Variants in NUMB observed in about 807,000 individuals in gnomAD.
NUMB encodes NUMB endocytic adaptor protein.
Under a neutral mutation model 59.7 loss-of-function variants are expected in NUMB, and 29 were observed. That is an observed-to-expected ratio of 0.49 (90% CI 0.36 to 0.66). NUMB has a LOEUF of 0.66. Among genes scored for constraint, NUMB ranks in the 30% least tolerant of loss-of-function variants. The probability of loss-of-function intolerance (pLI) is 0.00; values close to 1 mark genes in which losing one functional copy is unlikely to be tolerated. For missense variants in NUMB, 723 were observed against 822.0 expected (o/e 0.88, Z 1.47); for synonymous variants, 288 against 288.2 (o/e 1.00, Z 0.01).
rs1340528389 is a variant in NUMB, at chr14:73,296,232, C to T, written c.309+979G>A. Among the ~76,000 whole-genome samples the T allele has an allele frequency of 3.3e-5, 5 of 152,044 alleles. No homozygotes were observed. In the South Asian group the frequency reaches 6.2e-4, roughly 19 times the overall value. ...CCAAGGCGGGTGGATCACTTGAGGT[C>T]GGAAGTTCAAGACCAGCCTGACCAA... On this transcript the variant is annotated intron_variant, in intron 7 of 12. Transcript: ENST00000555238.
rs188616667 is a variant in NUMB at position 73,394,460 on chromosome 14, A to G, written c.-101+15477T>C. Among the ~76,000 whole-genome samples, 264 of 151,346 alleles carry G rather than the reference A, an allele frequency of 1.7e-3. 1 individual carries two copies. The highest frequency in any genetic ancestry group is 6.1e-3 in the African/African-American group (250 of 41,268). ...TGTCTCACTCTGTTGCCCAGGCTGA[A>G]GTGCAGTGGTGTGACAAAGCTCACC... On this transcript the variant is annotated intron_variant, in intron 2 of 12. Transcript: ENST00000555238.
chr14:73,296,752 G>A (rs1445845429), intron 7 of NUMB, among the ~76,000 whole-genome samples: 10 of 152,158 alleles, frequency 6.6e-5, no homozygotes, highest in East Asian at 3.9e-4. Context: ...TAGGCCAGGC[G>A]TGGTGGCTCA....
At chr14:73,454,001 T>TA in intron 1 of NUMB, among the ~76,000 whole-genome samples, 1 of 151,420 alleles carries the variant, frequency 6.6e-6, no homozygotes, top group Non-Finnish European at 1.5e-5. Flanking sequence ...ATTTAAGGAG[T>TA]ATATTGTTTT....
At chr14:73,447,247 G>A (rs1245270974) in intron 1 of NUMB, among the ~76,000 whole-genome samples, 2 of 150,470 alleles carry the variant, frequency 1.3e-5, no homozygotes, top group African/African-American at 2.4e-5. Context: ...TCAGCACTTT[G>A]GGAGGCTAAG....
chr14:73,355,694 T>G lies in NUMB; in HGVS notation c.58A>C (p.Ser20Arg). ...RKKDVYVPEASRPHQWQTDEE... is the reference protein window; with the variant it reads ...RKKDVYVPEARRPHQWQTDEE... Reference sequence around the variant, plus strand: ...TCTGTCTGCCACTGATGTGGACGACTGGCCTCTGGAACATAAACATCCTTC... The same window carrying G: ...TCTGTCTGCCACTGATGTGGACGACGGGCCTCTGGAACATAAACATCCTTC... Residue 20 changes from serine (S) to arginine (R), a missense_variant, in exon 4 of 13, where the codon AGT becomes CGT. Ser to Arg is a moderately radical substitution (Grantham distance 110, BLOSUM62 -1). Transcript: ENST00000555238. 1 of 1,613,622 alleles carries G rather than the reference T, an allele frequency of 6.2e-7. No homozygotes were observed. Among genetic ancestry groups the G allele is most frequent in the Non-Finnish European group, 8.5e-7 (1 of 1,179,556 alleles).
At chr14:73,314,708 G>A (rs895469249) in intron 6 of NUMB, among the ~76,000 whole-genome samples, 1 of 151,764 alleles carries the variant, frequency 6.6e-6, no homozygotes, top group African/African-American at 2.4e-5. Flanking sequence ...TATCTATGAC[G>A]CCTTATCTTA....
intron 5 of NUMB, chr14:73,322,685 C>G (rs1362754803): frequency 6.6e-6 from 1 of 152,198 alleles, no homozygotes; most frequent in Admixed American, 6.6e-5. Flanking sequence ...TCTTAGAATA[C>G]TATTCTTCTA....
chr14:73,370,300 T>C (rs1894598210), intron 2 of NUMB, among the ~76,000 whole-genome samples: 1 of 152,244 alleles, frequency 6.6e-6, no homozygotes, highest in Non-Finnish European at 1.5e-5. Context: ...GTTTAGGAAA[T>C]CTTTGAACTA....
intron 8 of NUMB, 139 bp from the exon 9 acceptor site, chr14:73,287,453 A>G (rs1889094567): frequency 1.4e-6 from 1 of 710,060 alleles, no homozygotes; most frequent in African/African-American, 1.8e-5. Flanking sequence ...GTCTCTGCTC[A>G]CTGCAACCTC....
At chr14:73,414,534 A>C (rs2140140208) in intron 1 of NUMB, among the ~76,000 whole-genome samples, 1 of 152,168 alleles carries the variant, frequency 6.6e-6, no homozygotes, top group East Asian at 1.9e-4. Context: ...CTGGGACTAC[A>C]GGTGCAAGCC....
chr14:73,307,730 T>C (rs1183048871), intron 6 of NUMB, among the ~76,000 whole-genome samples: 1 of 68,764 alleles, frequency 1.5e-5, no homozygotes, highest in Non-Finnish European at 2.6e-5. Flanking sequence ...GCCTCTGTCT[T>C]TTTTTTTTTT....
intron 6 of NUMB, among the ~76,000 whole-genome samples, chr14:73,313,114 G>C (rs1451653505): frequency 6.6e-6 from 1 of 151,816 alleles, no homozygotes. Flanking sequence ...AGCCTCCTGA[G>C]TAGCTGGGAC....
Position 73,389,299 on chromosome 14 carries a change from AC to A in NUMB, c.-101+20637del, listed in dbSNP as rs1252055432. The stretch of plus-strand genomic sequence containing the variant: ...AAAAAAAAAAAAAAAAAAAACAAAA[AC>A]AAAAACACTGGTCTCTGTTTTATAC... On this transcript the variant is annotated intron_variant, in intron 2 of 12. Coordinates refer to ENST00000555238, the MANE Select transcript of NUMB (RefSeq NM_001005743.2). 6.1e-4 allele frequency among the ~76,000 whole-genome samples: 83 copies of A among 136,090 alleles called. 5 individuals are homozygous for A. Among genetic ancestry groups the A allele is most frequent in the African/African-American group, 2.1e-3 (76 of 36,620 alleles). 89.3% of individuals were successfully genotyped at this position (136,090 alleles called of 152,430 possible).
At chr14:73,351,248 C>T (rs994672006) in intron 4 of NUMB, among the ~76,000 whole-genome samples, 16 of 151,870 alleles carry the variant, frequency 1.1e-4, no homozygotes, top group African/African-American at 3.4e-4. Context: ...CTGAGGCGGG[C>T]GGATCACAAG....
intron 1 of NUMB, among the ~76,000 whole-genome samples, chr14:73,432,646 A>G (rs79953618): frequency 0.011 from 1,743 of 152,264 alleles, 35 homozygotes; most frequent in African/African-American, 0.04. Context: ...TTAACATTCA[A>G]TACATATATA....
intron 1 of NUMB, among the ~76,000 whole-genome samples, chr14:73,422,238 G>A (rs553074347): frequency 1.8e-4 from 28 of 152,114 alleles, no homozygotes; most frequent in Non-Finnish European, 3.4e-4. Flanking sequence ...GGGATGTCAG[G>A]CACTCCTGGC....
chr14:73,455,631 T>C (rs1595059312), intron 1 of NUMB, among the ~76,000 whole-genome samples: 2 of 152,358 alleles, frequency 1.3e-5, no homozygotes, highest in East Asian at 3.9e-4. Flanking sequence ...CTAGAAACTG[T>C]ATATCTAGTT....
chr14:73,432,297 C>T (rs1595033190), intron 1 of NUMB, among the ~76,000 whole-genome samples: 1 of 151,626 alleles, frequency 6.6e-6, no homozygotes, highest in African/African-American at 2.4e-5. Context: ...TATAAAGCTA[C>T]GGTAAATAAG....
At chr14:73,383,749 C>T (rs1022193181) in intron 2 of NUMB, among the ~76,000 whole-genome samples, 2 of 152,112 alleles carry the variant, frequency 1.3e-5, no homozygotes, top group Non-Finnish European at 2.9e-5. Context: ...GGCACGGTGG[C>T]TCACATCTGT....
Sources: gnomAD v4.1 joint callset for allele counts (sites outside exome capture counted in the v4.1 genomes callset) on GRCh38, gnomAD v4.1.1 for gene constraint, MANE v1.5 for transcripts, NCBI Gene and HGNC (gene_info 2026-07-23, HGNC 2026-07-21) for gene names.